The following EPS8 variants were observed in gnomAD, a reference collection of about 807,000 sequenced individuals.
The protein encoded by EPS8 is epidermal growth factor receptor kinase substrate 8.
Under a neutral mutation model 103.8 loss-of-function variants are expected in EPS8, and 42 were observed. The ratio of observed to expected loss-of-function variants is 0.40; its 90% CI spans 0.32 to 0.52. The LOEUF (loss-of-function observed/expected upper bound fraction) is 0.52, where lower values mean the gene tolerates loss of function less well. Among genes scored for constraint, EPS8 ranks in the 20% least tolerant of loss-of-function variants. The pLI is 0.40. For synonymous variants in EPS8, 344 were observed against 344.6 expected (o/e 1.00, Z 0.02); for missense variants, 969 against 1,005.1 (o/e 0.96, Z 0.49).
chr12:15,693,150 C>A lies in EPS8; in HGVS notation c.-21-10178G>T, dbSNP rs1265954351. Among the ~76,000 whole-genome samples, 2 of 152,094 alleles carry A rather than the reference C, an allele frequency of 1.3e-5. No individual in the cohort carries two copies. The highest frequency in any genetic ancestry group is 3.9e-4 in the East Asian group (2 of 5,174). Reference sequence around the variant, plus strand: ...CTGCACAGAAGTCCTGCTGGCAGACCCCAGCCATCAGTGTCTATCGGTCTT... The same window carrying A: ...CTGCACAGAAGTCCTGCTGGCAGACACCAGCCATCAGTGTCTATCGGTCTT... On this transcript the variant is annotated intron_variant, in intron 1 of 20. Transcript: ENST00000281172. The surrounding 1 kb of genome is among the most constrained non-coding windows in gnomAD (Gnocchi z 5.6).
Position 15,752,887 on chromosome 12 carries a change from G to A in EPS8, c.-22+36274C>T, listed in dbSNP as rs1565530594. 1.3e-5 allele frequency among the ~76,000 whole-genome samples: 2 copies of A among 151,960 alleles called. No individual in the cohort carries two copies. Among genetic ancestry groups the A allele is most frequent in the Non-Finnish European group, 2.9e-5 (2 of 68,020 alleles). On this transcript the variant is annotated intron_variant, in intron 1 of 20. Coordinates refer to ENST00000281172, the MANE Select transcript of EPS8 (RefSeq NM_004447.6). This position sits in a 1 kb window ranked among gnomAD's most constrained non-coding sequence, Gnocchi z 4.4. The stretch of plus-strand genomic sequence containing the variant: ...TCATAAAATCCTATGAGAAAGGCAA[G>A]GCAAGAACCATTACTTTCCTAACAA...
At chr12:15,722,998 C>G (rs571492305) in intron 1 of EPS8, among the ~76,000 whole-genome samples, 1 of 149,488 alleles carries the variant, frequency 6.7e-6, no homozygotes, top group East Asian at 2.0e-4. Flanking sequence ...CTGGATATCA[C>G]TTGTTTGAAA....
rs1017606107 is a variant in EPS8 at position 15,620,197 on chromosome 12, C to G, written c.*1120G>C. On this transcript the variant is annotated 3_prime_UTR_variant, in exon 21 of 21. Transcript: ENST00000281172. ...GCAAATACTGTTTATTGCAGACTTT[C>G]CAGCTGACTCATGTGAAAAAGGCAC... 1 of 152,552 alleles carries G rather than the reference C, an allele frequency of 6.6e-6. No individual in the cohort carries two copies. The highest frequency in any genetic ancestry group is 1.5e-5 in the Non-Finnish European group (1 of 68,024). The allele number at this position is 152,552 out of a possible 1,614,324, so 9.4% of individuals were successfully genotyped here.
At chr12:15,633,732 T>A (rs926608308) in intron 17 of EPS8, among the ~76,000 whole-genome samples, 1 of 152,198 alleles carries the variant, frequency 6.6e-6, no homozygotes, top group Non-Finnish European at 1.5e-5. Flanking sequence ...CTTTCCTTAG[T>A]CCTCTCCTCC....
intron 1 of EPS8, among the ~76,000 whole-genome samples, chr12:15,692,319 G>GTTTTTTTT (rs56016545): frequency 8.3e-6 from 1 of 120,320 alleles, no homozygotes; most frequent in African/African-American, 3.3e-5. Flanking sequence ...AAGAGGTTTG[G>GTTTTTTTT]TTTTTTTTTT....
chr12:15,689,354 C>T (rs558353927), intron 1 of EPS8, among the ~76,000 whole-genome samples: 56 of 152,020 alleles, frequency 3.7e-4, no homozygotes, highest in African/African-American at 1.2e-3. Context: ...ATCCTTTTTC[C>T]ATAACAGCAC....
intron 19 of EPS8, among the ~76,000 whole-genome samples, chr12:15,623,502 T>C (rs940383199): frequency 1.3e-5 from 2 of 152,144 alleles, no homozygotes; most frequent in Non-Finnish European, 2.9e-5. Context: ...AATTACAAAG[T>C]ATCAAAAATG....
At chr12:15,666,820 A>T (rs1175642419) in intron 6 of EPS8, among the ~76,000 whole-genome samples, 1 of 152,148 alleles carries the variant, frequency 6.6e-6, no homozygotes, top group Non-Finnish European at 1.5e-5. Context: ...CTGAGTAAAA[A>T]TCTCTAATTG....
At chr12:15,663,954 T>A (rs1416375834) in intron 8 of EPS8, among the ~76,000 whole-genome samples, 2,689 of 22,270 alleles carry the variant, frequency 0.12, 169 homozygotes, top group African/African-American at 0.24. Context: ...AAATAATATA[T>A]ATATATATAT....
At position 15,748,381 on chromosome 12, in the gene EPS8, A is replaced by T. The variant is rs1447073310; in HGVS notation, c.-22+40780T>A. ...TAAATTCACCTAGTAGGAAAACTAA[A>T]GTGATGAGGATTAGAAAGGAAAGAA... On this transcript the variant is annotated intron_variant, in intron 1 of 20. Coordinates refer to ENST00000281172, the MANE Select transcript of EPS8 (RefSeq NM_004447.6). The surrounding 1 kb of genome is among the most constrained non-coding windows in gnomAD (Gnocchi z 4.8). Among the ~76,000 whole-genome samples the T allele has an allele frequency of 6.6e-6, 1 of 152,232 alleles. No individual in the cohort carries two copies. Among genetic ancestry groups the T allele is most frequent in the Non-Finnish European group, 1.5e-5 (1 of 68,044 alleles).
chr12:15,665,853 G>C lies in EPS8; in HGVS notation c.639C>G (p.Pro213=). 6.2e-7 allele frequency: 1 copy of C among 1,613,960 alleles called. No homozygotes were observed. The highest frequency in any genetic ancestry group is 8.5e-7 in the Non-Finnish European group (1 of 1,179,928). Residue 213 remains proline (P), a synonymous_variant, in exon 8 of 21, where the codon CCC becomes CCG. Coordinates refer to ENST00000281172, the MANE Select transcript of EPS8 (RefSeq NM_004447.6). ...SNADPSIPPP[P]RAPAPAPPGT... ...CAGGGGGCGCAGGGGCAGGAGCTCT[G>C]GGTGGAGGCGGTATACTAGGGTCTG...
chr12:15,679,139 T>A (rs892593752), intron 3 of EPS8, among the ~76,000 whole-genome samples: 1 of 152,178 alleles, frequency 6.6e-6, no homozygotes, highest in African/African-American at 2.4e-5. Flanking sequence ...ATTAGGTGTC[T>A]AATTTGCCAT....
At chr12:15,691,247 G>C (rs1040261002) in intron 1 of EPS8, among the ~76,000 whole-genome samples, 5 of 150,848 alleles carry the variant, frequency 3.3e-5, no homozygotes, top group Non-Finnish European at 5.9e-5. Context: ...GACCAAAAAA[G>C]GCAAGAGAGG....
intron 1 of EPS8, among the ~76,000 whole-genome samples, chr12:15,763,691 T>C (rs567061455): frequency 8.5e-5 from 13 of 152,330 alleles, no homozygotes; most frequent in African/African-American, 3.1e-4. Context: ...ATGCACACGC[T>C]GCATGGCACT....
At chr12:15,744,188 G>A (rs1286678367) in intron 1 of EPS8, among the ~76,000 whole-genome samples, 1 of 152,024 alleles carries the variant, frequency 6.6e-6, no homozygotes, top group Admixed American at 6.6e-5. Flanking sequence ...CCATCAGAGA[G>A]ATCAGCAACA....
Position 15,735,242 on chromosome 12 carries a change from G to T in EPS8, c.-21-52270C>A, listed in dbSNP as rs1387724054. ...ATGAAGGCTAAGTTAAAGGTATTCT[G>T]CATGTAACAAAATGATAAAAGAAAA... On this transcript the variant is annotated intron_variant, in intron 1 of 20. Coordinates refer to ENST00000281172, the MANE Select transcript of EPS8 (RefSeq NM_004447.6). This position sits in a 1 kb window ranked among gnomAD's most constrained non-coding sequence, Gnocchi z 4.4. 6.6e-6 allele frequency among the ~76,000 whole-genome samples: 1 copy of T among 152,166 alleles called. No homozygotes were observed. Among genetic ancestry groups the T allele is most frequent in the Non-Finnish European group, 1.5e-5 (1 of 68,028 alleles).
At chr12:15,670,348 T>TC (rs1410869178) in intron 4 of EPS8, among the ~76,000 whole-genome samples, 4 of 152,136 alleles carry the variant, frequency 2.6e-5, no homozygotes. Flanking sequence ...ATGCTTGACA[T>TC]AGGTAGAAAA....
intron 13 of EPS8, 100 bp from the exon 14 acceptor site, chr12:15,651,106 A>G (rs1945407152): frequency 1.1e-6 from 1 of 904,552 alleles, no homozygotes; most frequent in Non-Finnish European, 1.7e-6. Flanking sequence ...GCACACACAC[A>G]TAAATAACAA....
chr12:15,738,083 C>T lies in EPS8; in HGVS notation c.-22+51078G>A, dbSNP rs74063362. Among the ~76,000 whole-genome samples the T allele has an allele frequency of 0.02, 3,098 of 151,974 alleles. 104 individuals are homozygous for T. The highest frequency in any genetic ancestry group is 0.071 in the African/African-American group (2,933 of 41,474). On this transcript the variant is annotated intron_variant, in intron 1 of 20. Coordinates refer to ENST00000281172, the MANE Select transcript of EPS8 (RefSeq NM_004447.6). This position sits in a 1 kb window ranked among gnomAD's most constrained non-coding sequence, Gnocchi z 6.2. Reference sequence around the variant, plus strand: ...TATTTTAATTTTGTATATAAACTACCGAAATAGATATATTTCCTAGTGTTA... The same window carrying T: ...TATTTTAATTTTGTATATAAACTACTGAAATAGATATATTTCCTAGTGTTA...
Sources: allele counts gnomAD v4.1 joint callset (sites outside exome capture counted in the v4.1 genomes callset), GRCh38; gene constraint gnomAD v4.1.1; non-coding constraint Gnocchi (gnomAD v3.1); transcripts MANE v1.5; gene names NCBI Gene and HGNC (gene_info 2026-07-23, HGNC 2026-07-21).